FAM81A: variants seen among roughly 807,000 people sequenced by gnomAD.
FAM81A encodes the protein family with sequence similarity 81 member A.
A neutral mutation model predicts 46.7 loss-of-function variants in FAM81A; 19 were observed. That is an observed-to-expected ratio of 0.41 (90% CI 0.28 to 0.60). The LOEUF (loss-of-function observed/expected upper bound fraction) is 0.60, where lower values mean the gene tolerates loss of function less well. Ranked by LOEUF, FAM81A falls within the 20% of genes least tolerant of loss-of-function variation. FAM81A has a pLI of 0.34. For synonymous variants in FAM81A, 183 were observed against 152.9 expected (o/e 1.20, Z -1.45); for missense variants, 377 against 453.5 (o/e 0.83, Z 1.53).
chr15:59,442,783 CTG>C (rs1398156142), intron 1 of FAM81A, among the ~76,000 whole-genome samples: 2 of 152,176 alleles, frequency 1.3e-5, no homozygotes, highest in African/African-American at 4.8e-5. Context: ...CTCTGTGTGT[CTG>C]TGTATCTGTG....
At chr15:59,457,312 A>C (rs1567051611) in intron 1 of FAM81A, among the ~76,000 whole-genome samples, 1 of 152,194 alleles carries the variant, frequency 6.6e-6, no homozygotes, top group South Asian at 2.1e-4. Flanking sequence ...CACACCATGT[A>C]TACCTGGCCC....
At chr15:59,407,339 G>A (rs1395477250) in intron 2 of FAM81A, 1 of 126,934 alleles carries the variant, frequency 7.9e-6, no homozygotes, top group Non-Finnish European at 1.6e-5. Flanking sequence ...CTGTCGCCCA[G>A]GCTGGAGTGC....
rs2082176837 is a variant in FAM81A at position 59,508,946 on chromosome 15, C to A, written c.627C>A (p.His209Gln). ...AGATGTCTCACAGAGACAGTAACCA[C>A]CAGCTTCAGCTTTTGGACACTAAGT... ...KLKMSHRDSN[H>Q]QLQLLDTKFK... is the part of the protein sequence containing the mutation. The change falls in exon 6 of 9, where the codon CAC becomes CAA. Residue 209 changes from histidine to glutamine, a missense_variant. By Grantham distance (24) the His-to-Gln change is conservative. Transcript: ENST00000288228. The A allele has an allele frequency of 6.2e-7, 1 of 1,612,742 alleles. No individual in the cohort carries two copies. The highest frequency in any genetic ancestry group is 8.5e-7 in the Non-Finnish European group (1 of 1,179,268).
chr15:59,512,688 G>A (rs992545230), intron 6 of FAM81A, among the ~76,000 whole-genome samples: 4 of 152,072 alleles, frequency 2.6e-5, no homozygotes, highest in Admixed American at 1.3e-4. Context: ...TAGGGTACAG[G>A]CTAGCTTCCA....
chr15:59,450,927 T>C (rs912367469), intron 1 of FAM81A, among the ~76,000 whole-genome samples: 5 of 152,310 alleles, frequency 3.3e-5, no homozygotes, highest in African/African-American at 1.2e-4. Context: ...GGTCTCTGGA[T>C]GCTGTATTCT....
chr15:59,505,934 C>G (rs1596539299), intron 4 of FAM81A, among the ~76,000 whole-genome samples: 1 of 152,320 alleles, frequency 6.6e-6, no homozygotes, highest in East Asian at 1.9e-4. Context: ...GTCTGGCCAT[C>G]TCTTATTCCA....
At chr15:59,453,550 G>C (rs1162910018) in intron 1 of FAM81A, among the ~76,000 whole-genome samples, 2 of 152,164 alleles carry the variant, frequency 1.3e-5, no homozygotes, top group African/African-American at 4.8e-5. Context: ...ATTGAAGCAA[G>C]AGCCTTTCTT....
At chr15:59,487,252 TAG>T (rs1229583652) in intron 3 of FAM81A, among the ~76,000 whole-genome samples, 1 of 144,042 alleles carries the variant, frequency 6.9e-6, no homozygotes, top group Non-Finnish European at 1.5e-5. Flanking sequence ...TATATTAGTA[TAG>T]AGTTTTTTAT....
intron 4 of FAM81A, among the ~76,000 whole-genome samples, chr15:59,506,483 T>A (rs779501820): frequency 6.6e-5 from 10 of 152,216 alleles, no homozygotes; most frequent in Non-Finnish European, 1.2e-4. Flanking sequence ...ATTGCTCCGA[T>A]TGCAGAGTCA....
rs747839487 is a variant in FAM81A, at chr15:59,508,926, T to A, written c.607T>A (p.Ser203Thr). 1.9e-6 allele frequency: 3 copies of A among 1,613,230 alleles called. No individual in the cohort carries two copies. The highest frequency in any genetic ancestry group is 2.5e-6 in the Non-Finnish European group (3 of 1,179,482). Reference sequence around the variant, plus strand: ...AGAGCAGAGCACCAAACTGAAGATGTCTCACAGAGACAGTAACCACCAGCT... The same window carrying A: ...AGAGCAGAGCACCAAACTGAAGATGACTCACAGAGACAGTAACCACCAGCT... ...ISEQSTKLKM[S>T]HRDSNHQLQL... Residue 203 changes from serine to threonine, a missense_variant, in exon 6 of 9, where the codon TCT becomes ACT. By Grantham distance (58) the Ser-to-Thr change is moderately conservative. Transcript: ENST00000288228.
At chr15:59,487,230 A>G (rs1301983358) in intron 3 of FAM81A, among the ~76,000 whole-genome samples, 1 of 146,284 alleles carries the variant, frequency 6.8e-6, no homozygotes, top group African/African-American at 2.5e-5. Context: ...TATATTATAT[A>G]TATATTATAT....
chr15:59,491,120 T>A (rs1056282551), intron 3 of FAM81A, among the ~76,000 whole-genome samples: 2 of 152,156 alleles, frequency 1.3e-5, no homozygotes, highest in Non-Finnish European at 2.9e-5. Context: ...CTCCCGTGTT[T>A]ATTGCAGCAC....
intron 3 of FAM81A, among the ~76,000 whole-genome samples, chr15:59,476,436 G>A (rs2081769305): frequency 6.6e-6 from 1 of 152,056 alleles, no homozygotes; most frequent in Admixed American, 6.6e-5. Flanking sequence ...TAACAATGAT[G>A]TAGAGTAAAT....
chr15:59,450,632 G>A (rs1386253437), intron 1 of FAM81A, among the ~76,000 whole-genome samples: 2 of 151,982 alleles, frequency 1.3e-5, no homozygotes, highest in African/African-American at 4.8e-5. Context: ...TATCTCTTAT[G>A]GCAAATTAGA....
At chr15:59,416,492 G>A (rs543369663) in intron 2 of FAM81A, among the ~76,000 whole-genome samples, 9 of 152,322 alleles carry the variant, frequency 5.9e-5, no homozygotes, top group East Asian at 3.9e-4. Context: ...CAGAGAAGCC[G>A]TGAGATGCGT....
At chr15:59,506,480 C>T (rs146602798) in intron 4 of FAM81A, among the ~76,000 whole-genome samples, 17 of 152,298 alleles carry the variant, frequency 1.1e-4, no homozygotes, top group African/African-American at 2.9e-4. Context: ...TGGATTGCTC[C>T]GATTGCAGAG....
intron 2 of FAM81A, among the ~76,000 whole-genome samples, chr15:59,427,687 T>C (rs1221481921): frequency 6.6e-6 from 1 of 152,238 alleles, no homozygotes; most frequent in Non-Finnish European, 1.5e-5. Context: ...TTTATTTTAC[T>C]TAACATAATG....
chr15:59,508,140 T>A (rs2082168546), intron 5 of FAM81A, among the ~76,000 whole-genome samples: 1 of 152,292 alleles, frequency 6.6e-6, no homozygotes, highest in East Asian at 1.9e-4. Flanking sequence ...TTTTGAAGAA[T>A]GAGTGAGAAT....
intron 3 of FAM81A, among the ~76,000 whole-genome samples, chr15:59,490,519 A>G (rs1355635098): frequency 6.6e-6 from 1 of 152,222 alleles, no homozygotes; most frequent in Non-Finnish European, 1.5e-5. Context: ...TGATCATCAG[A>G]GAAATGCAAA....
Sources: gnomAD v4.1 joint callset for allele counts (sites outside exome capture counted in the v4.1 genomes callset) on GRCh38, gnomAD v4.1.1 for gene constraint, MANE v1.5 for transcripts, NCBI Gene and HGNC (gene_info 2026-07-23, HGNC 2026-07-21) for gene names.